SAMD3: variants seen among roughly 807,000 people sequenced by gnomAD.
SAMD3 encodes the protein sterile alpha motif domain-containing protein 3.
SAMD3 carries 63 observed loss-of-function variants against 58.5 expected under a neutral mutation model. The ratio of observed to expected loss-of-function variants is 1.08; its 90% confidence interval spans 0.88 to 1.33. The LOEUF (loss-of-function observed/expected upper bound fraction) is 1.33. Among genes scored for constraint, SAMD3 ranks in the 40% most tolerant of loss-of-function variants. The pLI is 0.00. For missense variants in SAMD3, 604 were observed against 608.4 expected (o/e 0.99, Z 0.08); for synonymous variants, 220 against 210.3 (o/e 1.05, Z -0.40).
intron 1 of SAMD3, among the ~76,000 whole-genome samples, chr6:130,348,707 T>C (rs1777546140): frequency 6.6e-6 from 1 of 152,144 alleles, no homozygotes. Flanking sequence ...GGAACTGAAC[T>C]CAGCTCTGCA....
chr6:130,332,862 T>C (rs1776978352), intron 1 of SAMD3, among the ~76,000 whole-genome samples: 1 of 152,186 alleles, frequency 6.6e-6, no homozygotes, highest in East Asian at 1.9e-4. Context: ...GAAACATCTT[T>C]ATGTACTGGA....
intron 8 of SAMD3, chr6:130,161,002 T>C (rs1471529956): frequency 1.3e-5 from 2 of 152,014 alleles, no homozygotes; most frequent in Non-Finnish European, 2.9e-5. Flanking sequence ...AAGCAATATA[T>C]CCCTTAAGAA....
chr6:130,146,958 A>C (rs994334344), intron 9 of SAMD3, among the ~76,000 whole-genome samples: 15 of 152,022 alleles, frequency 9.9e-5, no homozygotes, highest in Non-Finnish European at 2.2e-4. Context: ...TGGGCAACGT[A>C]GTGAGACCCT....
intron 2 of SAMD3, among the ~76,000 whole-genome samples, chr6:130,312,630 T>C (rs1161021495): frequency 6.6e-6 from 1 of 152,256 alleles, no homozygotes; most frequent in Non-Finnish European, 1.5e-5. Flanking sequence ...GTTCTGTGCC[T>C]TGACTTTTCT....
chr6:130,150,694 TACACACTGGGCC>T (rs1347869105), intron 9 of SAMD3, among the ~76,000 whole-genome samples: 1 of 151,590 alleles, frequency 6.6e-6, no homozygotes, highest in Non-Finnish European at 1.5e-5. Flanking sequence ...GCAGGGTCTC[TACACACTGGGCC>T]AGAATTCTTT....
chr6:130,237,941 TA>T (rs1225197142), intron 2 of SAMD3, among the ~76,000 whole-genome samples: 2 of 152,096 alleles, frequency 1.3e-5, no homozygotes, highest in Admixed American at 1.3e-4. Flanking sequence ...CTAGGAAACA[TA>T]AAAAAACGAT....
Position 130,214,381 on chromosome 6 carries a change from G to A in SAMD3, c.225C>T (p.Asn75=). The change falls in exon 4 of 12, where the codon AAC becomes AAT. Residue 75 remains asparagine (N), a synonymous_variant. Coordinates refer to ENST00000439090, the MANE Select transcript of SAMD3 (RefSeq NM_001017373.4). ...QNTQGLKSPE[N]PKKAALVMQT... ...GCATGACCAGGGCTGCCTTTTTGGGGTTTTCTGGGGACTTCAGTCCTTGAG... is the reference window on the plus strand; with the variant it reads ...GCATGACCAGGGCTGCCTTTTTGGGATTTTCTGGGGACTTCAGTCCTTGAG... The A allele has an allele frequency of 1.2e-6, 2 of 1,608,916 alleles. No individual in the cohort carries two copies. The highest frequency in any genetic ancestry group is 1.7e-5 in the Admixed American group (1 of 59,340).
At chr6:130,189,915 G>A (rs2114732332) in intron 5 of SAMD3, among the ~76,000 whole-genome samples, 1 of 152,310 alleles carries the variant, frequency 6.6e-6, no homozygotes, top group Non-Finnish European at 1.5e-5. Flanking sequence ...ATGGCTTTTG[G>A]CCTGAAGGCA....
At chr6:130,340,907 G>A (rs575123241) in intron 1 of SAMD3, among the ~76,000 whole-genome samples, 1 of 150,926 alleles carries the variant, frequency 6.6e-6, no homozygotes, top group Non-Finnish European at 1.5e-5. Flanking sequence ...TTATTTGTTT[G>A]AAGATGTTTG....
intron 11 of SAMD3, among the ~76,000 whole-genome samples, 170 bp from the exon 12 acceptor site, chr6:130,144,974 T>C (rs1788485021): frequency 6.6e-6 from 1 of 152,228 alleles, no homozygotes; most frequent in South Asian, 2.1e-4. Context: ...AAATAAGTTA[T>C]CGCGGTTGGG....
chr6:130,312,054 A>T (rs1455153910), intron 2 of SAMD3, among the ~76,000 whole-genome samples: 2 of 152,192 alleles, frequency 1.3e-5, no homozygotes, highest in Non-Finnish European at 2.9e-5. Flanking sequence ...TATGAGAAAG[A>T]GGCAAGCCAC....
chr6:130,230,639 C>T (rs867669116), intron 2 of SAMD3, among the ~76,000 whole-genome samples: 2 of 152,172 alleles, frequency 1.3e-5, no homozygotes, highest in South Asian at 2.1e-4. Context: ...CCACCTGCCT[C>T]GGTCTCCCAA....
intron 2 of SAMD3, among the ~76,000 whole-genome samples, chr6:130,264,705 T>A (rs1027988286): frequency 6.6e-6 from 1 of 152,242 alleles, no homozygotes; most frequent in South Asian, 2.1e-4. Flanking sequence ...AATATTTTAG[T>A]GGGTGACAGT....
At chr6:130,300,205 T>A (rs1326391375) in intron 2 of SAMD3, among the ~76,000 whole-genome samples, 1 of 152,100 alleles carries the variant, frequency 6.6e-6, no homozygotes, top group African/African-American at 2.4e-5. Context: ...ACAAAAATCC[T>A]CAGCAAACTA....
chr6:130,214,266 A>T, intron 4 of SAMD3, 71 bp downstream of exon 4: 1 of 1,302,380 alleles, frequency 7.7e-7, no homozygotes, highest in Non-Finnish European at 1.0e-6. Flanking sequence ...CTTTAAACCC[A>T]AACGTCACGC....
intron 1 of SAMD3, among the ~76,000 whole-genome samples, chr6:130,220,119 A>T (rs1395504445): frequency 6.6e-6 from 1 of 152,084 alleles, no homozygotes; most frequent in East Asian, 1.9e-4. Flanking sequence ...CTTTTGCCTC[A>T]GCCTCCTGAG....
chr6:130,267,439 G>A (rs553216402), intron 2 of SAMD3, among the ~76,000 whole-genome samples: 7 of 152,304 alleles, frequency 4.6e-5, no homozygotes, highest in South Asian at 2.1e-4. Flanking sequence ...ACAGGAAGAC[G>A]TAAGTAGTGA....
intron 9 of SAMD3, among the ~76,000 whole-genome samples, chr6:130,148,953 G>A (rs1037452333): frequency 2.3e-4 from 35 of 152,132 alleles, no homozygotes; most frequent in Non-Finnish European, 3.7e-4. Context: ...TCTCATAGAA[G>A]AAATCTAGGA....
At chr6:130,280,304 ATT>A (rs1169439922) in intron 2 of SAMD3, among the ~76,000 whole-genome samples, 1 of 152,122 alleles carries the variant, frequency 6.6e-6, no homozygotes, top group Non-Finnish European at 1.5e-5. Flanking sequence ...ACATTTAATT[ATT>A]TTTTTGCCCT....
Sources: gnomAD v4.1 joint callset for allele counts (sites outside exome capture counted in the v4.1 genomes callset) on GRCh38, gnomAD v4.1.1 for gene constraint, MANE v1.5 for transcripts, NCBI Gene and HGNC (gene_info 2026-07-23, HGNC 2026-07-21) for gene names.